Variants in ERBB4 observed in about 807,000 individuals in gnomAD.
ERBB4 encodes the protein receptor tyrosine-protein kinase erbB-4.
In ERBB4, 42 loss-of-function variants were observed where a neutral mutation model predicts 158.0. That is an observed-to-expected ratio of 0.27 (90% confidence interval 0.21 to 0.34). The LOEUF is 0.34. Among genes scored for constraint, ERBB4 ranks in the 10% least tolerant of loss-of-function variants. The probability of loss-of-function intolerance (pLI) is 1.00; values close to 1 mark genes in which losing one functional copy is unlikely to be tolerated. For missense variants in ERBB4, 1,333 were observed against 1,624.1 expected (o/e 0.82, Z 3.08); for synonymous variants, 583 against 558.7 (o/e 1.04, Z -0.61).
At chr2:211,755,371 G>T (rs1056857939) in intron 4 of ERBB4, among the ~76,000 whole-genome samples, 1 of 152,068 alleles carries the variant, frequency 6.6e-6, no homozygotes, top group Non-Finnish European at 1.5e-5. Context: ...GCTTGTTGGC[G>T]CACGCCTGCT....
intron 3 of ERBB4, among the ~76,000 whole-genome samples, chr2:211,839,943 T>C (rs2077434098): frequency 6.6e-6 from 1 of 152,146 alleles, no homozygotes; most frequent in Non-Finnish European, 1.5e-5. Flanking sequence ...AGGTAACATG[T>C]AGACTGACAC....
At chr2:212,174,372 G>C (rs562660313) in intron 1 of ERBB4, among the ~76,000 whole-genome samples, 15 of 152,080 alleles carry the variant, frequency 9.9e-5, no homozygotes, top group African/African-American at 3.4e-4. Flanking sequence ...CAATCAACAG[G>C]GAAAAGGACT....
intron 2 of ERBB4, among the ~76,000 whole-genome samples, chr2:212,044,061 T>C (rs2125379069): frequency 6.6e-6 from 1 of 152,170 alleles, no homozygotes; most frequent in South Asian, 2.1e-4. Flanking sequence ...GGTCTTAATT[T>C]TTGTTGTTGT....
At chr2:211,443,000 A>G (rs1192073692) in intron 20 of ERBB4, among the ~76,000 whole-genome samples, 1 of 151,904 alleles carries the variant, frequency 6.6e-6, no homozygotes, top group African/African-American at 2.4e-5. Flanking sequence ...ACATTTACCA[A>G]TTTCATCACG....
At chr2:212,517,414 T>C (rs1393984100) in intron 1 of ERBB4, among the ~76,000 whole-genome samples, 2 of 152,012 alleles carry the variant, frequency 1.3e-5, no homozygotes, top group African/African-American at 2.4e-5. Context: ...TAATAGAAAA[T>C]TATATAGAAT....
At position 211,376,976 on chromosome 2, in the gene ERBB4, G is replaced by A. The variant is rs558011305; in HGVS notation, c.*6639C>T. On this transcript the variant is annotated 3_prime_UTR_variant, in exon 28 of 28. Coordinates refer to ENST00000342788, the MANE Select transcript of ERBB4 (RefSeq NM_005235.3). ...ATCGACCCATTTAACAGCAGTACCA[G>A]TTTATGCTACATATTTCAAAGTACC... 1 of 233,156 alleles carries A rather than the reference G, an allele frequency of 4.3e-6. No homozygotes were observed. The highest frequency in any genetic ancestry group is 6.0e-5 in the East Asian group (1 of 16,554). The allele number at this position is 233,156 out of a possible 1,614,324, so 14.4% of individuals were successfully genotyped here.
intron 1 of ERBB4, among the ~76,000 whole-genome samples, chr2:212,420,627 C>G (rs2091770799): frequency 6.6e-6 from 1 of 152,084 alleles, no homozygotes; most frequent in African/African-American, 2.4e-5. Flanking sequence ...TAACCATATC[C>G]TCTTATAGAA....
At chr2:212,194,845 C>A (rs1303371348) in intron 1 of ERBB4, among the ~76,000 whole-genome samples, 1 of 151,892 alleles carries the variant, frequency 6.6e-6, no homozygotes, top group East Asian at 1.9e-4. Flanking sequence ...ATCTATTAAG[C>A]CACATGGAAG....
intron 20 of ERBB4, among the ~76,000 whole-genome samples, chr2:211,461,330 C>T (rs1026165075): frequency 9.2e-5 from 14 of 151,768 alleles, no homozygotes; most frequent in Non-Finnish European, 1.6e-4. Context: ...TGAAAGAAAT[C>T]GGAGCTGATT....
chr2:211,742,391 A>G (rs948369736), intron 5 of ERBB4, among the ~76,000 whole-genome samples: 1 of 152,238 alleles, frequency 6.6e-6, no homozygotes, highest in Non-Finnish European at 1.5e-5. Flanking sequence ...TGAAAATTTC[A>G]TGGAGAAAGA....
chr2:212,223,593 T>C (rs2083377185), intron 1 of ERBB4, among the ~76,000 whole-genome samples: 1 of 151,366 alleles, frequency 6.6e-6, no homozygotes. Flanking sequence ...GAGGAAATGA[T>C]TTAGCATTTA....
intron 3 of ERBB4, among the ~76,000 whole-genome samples, chr2:211,792,647 ATTTTC>A (rs2076300720): frequency 6.6e-6 from 1 of 151,724 alleles, no homozygotes; most frequent in Non-Finnish European, 1.5e-5. Context: ...AGAAGCCTAA[ATTTTC>A]TTGTATTGAA....
intron 1 of ERBB4, among the ~76,000 whole-genome samples, chr2:212,497,293 C>G (rs574801409): frequency 6.6e-6 from 1 of 151,498 alleles, no homozygotes; most frequent in African/African-American, 2.4e-5. Context: ...TATTTTGAAA[C>G]AGGCTCTCAC....
At chr2:212,077,611 G>A (rs962470954) in intron 2 of ERBB4, among the ~76,000 whole-genome samples, 6 of 151,934 alleles carry the variant, frequency 3.9e-5, no homozygotes, top group Admixed American at 2.0e-4. Context: ...AGTGTTAGAA[G>A]GCAGGGTAGT....
At chr2:212,267,697 C>A (rs1404369649) in intron 1 of ERBB4, among the ~76,000 whole-genome samples, 2 of 150,198 alleles carry the variant, frequency 1.3e-5, no homozygotes, top group Non-Finnish European at 3.0e-5. Flanking sequence ...GTGATGCACC[C>A]ATTAACTCTT....
rs772872503 is a variant in ERBB4 at position 212,049,470 on chromosome 2, C to T, written c.234+75282G>A. Among the ~76,000 whole-genome samples, 23 of 152,060 alleles carry T rather than the reference C, an allele frequency of 1.5e-4. No homozygotes were observed. In the East Asian group the frequency reaches 3.3e-3, roughly 22 times the overall value. On this transcript the variant is annotated intron_variant, in intron 2 of 27. Transcript: ENST00000342788. ...CGGTATGCTCTAATCTGTTATGAGT[C>T]GGGAGACTAGAGGACCAGGCTTTTT...
At chr2:212,215,156 T>C (rs549248899) in intron 1 of ERBB4, among the ~76,000 whole-genome samples, 195 of 151,646 alleles carry the variant, frequency 1.3e-3, no homozygotes, top group African/African-American at 4.5e-3. Context: ...GTGATTACTG[T>C]GTATACAGTG....
intron 2 of ERBB4, among the ~76,000 whole-genome samples, chr2:211,997,884 G>T (rs2082236797): frequency 1.8e-5 from 2 of 109,070 alleles, no homozygotes; most frequent in African/African-American, 6.1e-5. Context: ...TATCAATCAT[G>T]AGATTATTTT....
chr2:212,152,197 G>T (rs1282799806), intron 1 of ERBB4, among the ~76,000 whole-genome samples: 1 of 151,932 alleles, frequency 6.6e-6, no homozygotes, highest in Admixed American at 6.6e-5. Context: ...GAGTTCCTGT[G>T]GTCAAATCGG....
Sources: gnomAD v4.1 joint callset for allele counts (sites outside exome capture counted in the v4.1 genomes callset) on GRCh38, gnomAD v4.1.1 for gene constraint, MANE v1.5 for transcripts, NCBI Gene and HGNC (gene_info 2026-07-23, HGNC 2026-07-21) for gene names.